TPM1: variants seen among roughly 807,000 people sequenced by gnomAD.
TPM1 encodes the protein tropomyosin alpha-1 chain.
TPM1 carries 24 observed loss-of-function variants against 42.9 expected under a neutral mutation model. That is an observed-to-expected ratio of 0.56 (90% CI 0.41 to 0.79). The LOEUF is 0.79. TPM1 is among the 30% of genes least tolerant of loss of function. TPM1 has a pLI of 0.00. For synonymous variants in TPM1, 136 were observed against 130.1 expected (o/e 1.05, Z -0.31); for missense variants, 158 against 351.8 (o/e 0.45, Z 4.41).
chr15:63,061,201 A>G (rs1292662146), intron 5 of TPM1: 1 of 1,614,184 alleles, frequency 6.2e-7, no homozygotes, highest in South Asian at 1.1e-5. Context: ...CTAACAGCCA[A>G]GTCCGACAGC....
At chr15:63,058,319 G>C (rs1388682893) in intron 3 of TPM1, among the ~76,000 whole-genome samples, 3 of 152,160 alleles carry the variant, frequency 2.0e-5, no homozygotes, top group Non-Finnish European at 4.4e-5. Flanking sequence ...GTAGGGCTCA[G>C]AGGCTGATGT....
Position 63,058,472 on chromosome 15 carries a change from C to T in TPM1, c.375-1091C>T, listed in dbSNP as rs376690490. On this transcript the variant is annotated intron_variant, in intron 3 of 9. Transcript: ENST00000403994. ...CTGTAATCCCAGCACTTTAGGGGGC[C>T]GAGGCGGGCAGATCACTTGAGGCCA... 2.8e-4 allele frequency among the ~76,000 whole-genome samples: 42 copies of T among 152,162 alleles called. No individual in the cohort carries two copies. The East Asian group carries it at 6.4e-3, about 23-fold the overall frequency.
intron 2 of TPM1, 134 bp from the exon 3 acceptor site, chr15:63,056,851 T>G: frequency 8.6e-7 from 1 of 1,167,440 alleles, no homozygotes; most frequent in Non-Finnish European, 1.3e-6. Context: ...GATGAGGGCT[T>G]GTAATGCACT....
rs1439689922 is a variant in TPM1, at chr15:63,062,825, T to C, written c.772+180T>C. 3.9e-6 allele frequency: 6 copies of C among 1,534,626 alleles called. No individual in the cohort carries two copies. In the East Asian group the frequency reaches 1.5e-4, roughly 38 times the overall value. On this transcript the variant is annotated intron_variant, in intron 8 of 9. Transcript: ENST00000403994. ...GAACTCATGAACCTAAGTCTTCTGC[T>C]CACGAGGTGACTAGTTAGCCACCAG...
chr15:63,057,514 A>G (rs188456415), intron 3 of TPM1, among the ~76,000 whole-genome samples: 1 of 152,380 alleles, frequency 6.6e-6, no homozygotes, highest in Admixed American at 6.5e-5. Context: ...GCTTAGGTGT[A>G]AATAAAGGAA....
downstream of TPM1, chr15:63,069,939 A>T (rs935852505): frequency 6.8e-6 from 11 of 1,614,094 alleles, no homozygotes; most frequent in East Asian, 1.1e-4. Flanking sequence ...CTGAATGAGG[A>T]TTAAACTTAA....
At chr15:63,068,792 C>T (rs2036428105), downstream of TPM1, among the ~76,000 whole-genome samples, 1 of 152,136 alleles carries the variant, frequency 6.6e-6, no homozygotes, top group South Asian at 2.1e-4. Flanking sequence ...GTAGGTGTTG[C>T]AAGTTTCGTT....
rs1326044279 is a variant in TPM1, at chr15:63,061,094, G to T, written c.563+155G>T. On this transcript the variant is annotated intron_variant, in intron 5 of 9. Transcript: ENST00000403994. The stretch of plus-strand genomic sequence containing the variant: ...TGAGCCACGAGTATGGAACATGGAG[G>T]ACTCGTGTGGGGTGTCTTATGTATG... The T allele has an allele frequency of 4.0e-5, 57 of 1,442,836 alleles. No individual in the cohort carries two copies. In the East Asian group the frequency reaches 7.3e-4, roughly 18 times the overall value. 89.4% of individuals were successfully genotyped at this position (1,442,836 alleles called of 1,614,324 possible).
At chr15:63,057,242 T>C in intron 3 of TPM1, 124 bp downstream of exon 3, 1 of 1,328,094 alleles carries the variant, frequency 7.5e-7, no homozygotes, top group Non-Finnish European at 1.1e-6. Flanking sequence ...ATTTCCTCTA[T>C]TGATCCCAGG....
At chr15:63,050,106 A>G (rs1176555786) in intron 2 of TPM1, among the ~76,000 whole-genome samples, 1 of 152,218 alleles carries the variant, frequency 6.6e-6, no homozygotes, top group African/African-American at 2.4e-5. Flanking sequence ...AGGAGTTACT[A>G]TGTAAAGACA....
chr15:63,043,264 G>C (rs2031577681), intron 1 of TPM1: 1 of 512,068 alleles, frequency 2.0e-6, no homozygotes, highest in Non-Finnish European at 3.7e-6. Context: ...GGGGACGTTT[G>C]AAGGAAGGGC....
At chr15:63,061,486 C>T (rs750687162) in intron 5 of TPM1, 18 of 720,100 alleles carry the variant, frequency 2.5e-5, no homozygotes, top group Middle Eastern at 3.2e-4. Flanking sequence ...GCCAAATTAT[C>T]GCACTTCAAA....
At position 63,063,080 on chromosome 15, in the gene TPM1, T is replaced by A. The variant is rs531595370; in HGVS notation, c.772+435T>A. ...CAAAGTAAGGATTTAGGGGTTATTT[T>A]AAGTCATATATTATCTTAACAAAAT... On this transcript the variant is annotated intron_variant, in intron 8 of 9. Transcript: ENST00000403994. 9.5e-5 allele frequency: 93 copies of A among 979,386 alleles called. 1 individual carries two copies. The African/African-American group carries it at 1.5e-3, about 16-fold the overall frequency. 60.7% of individuals were successfully genotyped at this position (979,386 alleles called of 1,614,324 possible).
intron 2 of TPM1, among the ~76,000 whole-genome samples, chr15:63,053,658 C>CG (rs1008559052): frequency 4.0e-5 from 6 of 149,670 alleles, no homozygotes; most frequent in African/African-American, 1.5e-4. Context: ...TCTAGGGACA[C>CG]GGCCTGGAAG....
At chr15:63,067,118 A>G (rs561611172), downstream of TPM1, among the ~76,000 whole-genome samples, 25 of 151,992 alleles carry the variant, frequency 1.6e-4, no homozygotes, top group African/African-American at 5.8e-4. Context: ...TTTTTTTAAC[A>G]TGGATGATCT....
In TPM1 at chr15:63,056,975, C is replaced by T. The variant is rs917063084; in HGVS notation, c.241-10C>T. 8.7e-6 allele frequency: 14 copies of T among 1,614,172 alleles called. No individual in the cohort carries two copies. The highest frequency in any genetic ancestry group is 1.2e-5 in the Non-Finnish European group (14 of 1,179,996). ...CCCCAACTCTGAAATGCTTTTCACT[C>T]TCTACCTAGGCTGAAGCCGACGTAG... On this transcript the variant is annotated splice_polypyrimidine_tract_variant and intron_variant, in intron 2 of 9. Coordinates refer to ENST00000403994, the MANE Select transcript of TPM1 (RefSeq NM_001018005.2).
chr15:63,048,090 T>C, intron 2 of TPM1: 1 of 391,400 alleles, frequency 2.6e-6, no homozygotes, highest in Non-Finnish European at 5.0e-6. Context: ...CTTCTCTGGC[T>C]CCCGGGCATG....
intron 9 of TPM1, 174 bp from the exon 10 acceptor site, chr15:63,065,722 C>T: frequency 2.2e-6 from 2 of 923,624 alleles, no homozygotes; most frequent in Non-Finnish European, 2.6e-6. Flanking sequence ...CCTGTGACGG[C>T]CTCAGGTGGG....
rs765280995 is a variant in TPM1 at position 63,048,421 on chromosome 15, C to G, written c.240+4269C>G. On this transcript the variant is annotated intron_variant, in intron 2 of 9. Coordinates refer to ENST00000403994, the MANE Select transcript of TPM1 (RefSeq NM_001018005.2). The stretch of plus-strand genomic sequence containing the variant: ...AGCCCTGGAGGCTGCGACTTCCGGA[C>G]TGCTCCTGGCCGCAGGGGGCGCCGC... The G allele has an allele frequency of 5.2e-6, 7 of 1,349,842 alleles. No individual in the cohort carries two copies. In the South Asian group the frequency reaches 5.3e-5, roughly 10 times the overall value. 83.6% of individuals were successfully genotyped at this position (1,349,842 alleles called of 1,614,324 possible). A position where few individuals can be genotyped will look rare whatever the true frequency, so the allele number is the denominator to read the frequency against.
Sources: gnomAD v4.1 joint callset for allele counts (sites outside exome capture counted in the v4.1 genomes callset) on GRCh38, gnomAD v4.1.1 for gene constraint, MANE v1.5 for transcripts, NCBI Gene and HGNC (gene_info 2026-07-23, HGNC 2026-07-21) for gene names.